The following KLF13 variants were observed in gnomAD, a reference collection of about 807,000 sequenced individuals.
The protein encoded by KLF13 is Krueppel-like factor 13.
Under a neutral mutation model 16.7 loss-of-function variants are expected in KLF13, and 8 were observed. That is an observed-to-expected ratio of 0.48 (90% CI 0.28 to 0.87). The LOEUF (loss-of-function observed/expected upper bound fraction) is 0.87, where lower values mean the gene tolerates loss of function less well. KLF13 is among the 40% of genes least tolerant of loss of function. KLF13 has a pLI of 0.10. For missense variants in KLF13, 447 were observed against 452.2 expected, an observed-to-expected ratio of 0.99 and a Z score of 0.10; for synonymous variants, 245 against 208.4, an observed-to-expected ratio of 1.18 and a Z score of -1.51.
At chr15:31,382,659 C>G (rs1032635401), downstream of KLF13, among the ~76,000 whole-genome samples, 1 of 152,200 alleles carries the variant, frequency 6.6e-6, no homozygotes, top group South Asian at 2.1e-4. Flanking sequence ...GCAATGTCCT[C>G]TAAAAAGATG....
chr15:31,338,149 C>T (rs4779861), intron 1 of KLF13, among the ~76,000 whole-genome samples: 45,275 of 152,100 alleles, frequency 0.3, 7,029 homozygotes, highest in East Asian at 0.38. Flanking sequence ...CAAATTGTAT[C>T]ATTCTTAAGT....
At chr15:31,333,678 C>T (rs1384985073) in intron 1 of KLF13, among the ~76,000 whole-genome samples, 6 of 152,098 alleles carry the variant, frequency 3.9e-5, no homozygotes. Flanking sequence ...TTCAGTTCCC[C>T]TAGTGATTCC....
intron 1 of KLF13, among the ~76,000 whole-genome samples, chr15:31,330,616 T>TC (rs2038811355): frequency 6.6e-6 from 1 of 152,236 alleles, no homozygotes; most frequent in Non-Finnish European, 1.5e-5. Flanking sequence ...GCTCTGATTT[T>TC]CCACCCCCAC....
At position 31,372,807 on chromosome 15, in the gene KLF13, A is replaced by T. The variant is rs977163163; in HGVS notation, c.*508A>T. The T allele has an allele frequency of 2.6e-5, 4 of 153,130 alleles. No homozygotes were observed. Among genetic ancestry groups the T allele is most frequent in the African/African-American group, 9.6e-5 (4 of 41,478 alleles). 9.5% of individuals were successfully genotyped at this position (153,130 alleles called of 1,614,324 possible). A position where few individuals can be genotyped will look rare whatever the true frequency, so the allele number is the denominator to read the frequency against. On this transcript the variant is annotated 3_prime_UTR_variant, in exon 2 of 2. Transcript: ENST00000307145. ...CCTGACCTCTTCCTGCCCAGCCCCC[A>T]ACCCAGTCTCTGGCCTCTGCCCAAC... is the stretch of plus-strand genomic sequence containing the variant.
downstream of KLF13, among the ~76,000 whole-genome samples, chr15:31,407,635 G>A (rs191314057): frequency 1.1e-3 from 171 of 152,222 alleles, no homozygotes; most frequent in African/African-American, 4.1e-3. Context: ...TCACGAGAAA[G>A]TAAAAATCAA....
At chr15:31,336,135 C>T (rs1479876908) in intron 1 of KLF13, among the ~76,000 whole-genome samples, 1 of 152,272 alleles carries the variant, frequency 6.6e-6, no homozygotes, top group African/African-American at 2.4e-5. Flanking sequence ...GCCTGAGCAG[C>T]CTGGCGAGTG....
downstream of KLF13, among the ~76,000 whole-genome samples, chr15:31,381,349 T>G (rs1446113510): frequency 6.7e-6 from 1 of 149,440 alleles, no homozygotes; most frequent in Non-Finnish European, 1.5e-5. Context: ...TCTGGAGTCT[T>G]GTTTTCCTTC....
At chr15:31,381,196 C>T (rs527927813), downstream of KLF13, among the ~76,000 whole-genome samples, 306 of 136,394 alleles carry the variant, frequency 2.2e-3, 1 homozygote, top group Middle Eastern at 3.8e-3. Flanking sequence ...AATAGAATGC[C>T]TATTCCTGCT....
intron 1 of KLF13, among the ~76,000 whole-genome samples, chr15:31,386,843 A>G (rs964354383): frequency 3.9e-5 from 6 of 152,186 alleles, no homozygotes; most frequent in South Asian, 2.1e-4. Context: ...AATACACTAA[A>G]TCTACTCTGC....
rs2039617875 is a variant in KLF13 at position 31,374,840 on chromosome 15, GT to G, written c.*2545del. 8.3e-6 allele frequency: 1 copy of G among 120,312 alleles called. No individual in the cohort carries two copies. Among genetic ancestry groups the G allele is most frequent in the Non-Finnish European group, 1.6e-5 (1 of 60,950 alleles). 7.5% of individuals were successfully genotyped at this position (120,312 alleles called of 1,614,324 possible). On this transcript the variant is annotated 3_prime_UTR_variant, in exon 2 of 2. Transcript: ENST00000307145. ...TTGGAATAAAAAGAAGAGCTGGTTTGTTTTAGAGCAGGGCGGGGGGTGGGGG... is the reference window on the plus strand; with the variant it reads ...TTGGAATAAAAAGAAGAGCTGGTTTGTTTAGAGCAGGGCGGGGGGTGGGGG...
chr15:31,330,346 C>T (rs1324380511), intron 1 of KLF13, among the ~76,000 whole-genome samples: 2 of 152,182 alleles, frequency 1.3e-5, no homozygotes, highest in African/African-American at 4.8e-5. Context: ...TGCCCCCGCC[C>T]CACTTCCCGC....
intron 1 of KLF13, among the ~76,000 whole-genome samples, chr15:31,414,155 A>G (rs988875207): frequency 6.6e-6 from 1 of 152,162 alleles, no homozygotes; most frequent in Non-Finnish European, 1.5e-5. Flanking sequence ...TTTAAGTCTC[A>G]AGGTGATTAT....
chr15:31,396,298 C>G (rs758071951), intron 2 of KLF13, among the ~76,000 whole-genome samples: 1 of 152,188 alleles, frequency 6.6e-6, no homozygotes, highest in Non-Finnish European at 1.5e-5. Flanking sequence ...GCTGGGATTA[C>G]AGGCATGAGC....
chr15:31,411,607 G>A (rs1325993808), intron 1 of KLF13, among the ~76,000 whole-genome samples: 1 of 147,556 alleles, frequency 6.8e-6, no homozygotes, highest in Admixed American at 6.8e-5. Context: ...GGGTTTCACC[G>A]TGTTAGCCAG....
rs1176734816 is a variant in KLF13, at chr15:31,367,695, A to G, written c.578-4315A>G. Among the ~76,000 whole-genome samples, 6 of 152,226 alleles carry G rather than the reference A, an allele frequency of 3.9e-5. No individual in the cohort carries two copies. In the East Asian group the frequency reaches 1.2e-3, roughly 29 times the overall value. On this transcript the variant is annotated intron_variant, in intron 1 of 1. Transcript: ENST00000307145. ...AACAGGCCCAAATCAGAGGAGACCC[A>G]GTTGACAGGGCTAATGACTAAGAGC...
At chr15:31,396,353 T>G (rs1028129220) in intron 2 of KLF13, among the ~76,000 whole-genome samples, 121 of 149,680 alleles carry the variant, frequency 8.1e-4, no homozygotes, top group African/African-American at 2.9e-3. Flanking sequence ...GAGACAGGGT[T>G]TCACCATGTT....
At chr15:31,392,925 C>T (rs1264462467) in exon 1 of KLF13, 1 of 152,498 alleles carries the variant, frequency 6.6e-6, no homozygotes, top group Non-Finnish European at 1.5e-5. Context: ...GCCAGGTCCG[C>T]TACGCCTGGA....
rs552675584 is a variant in KLF13 at position 31,336,566 on chromosome 15, A to G, written c.577+8777A>G. ...TGTCTTTAACCCTTTTATTGTCTAA[A>G]TGCTCACTAAACAAGAAAAATAATA... On this transcript the variant is annotated intron_variant, in intron 1 of 1. Transcript: ENST00000307145. Among the ~76,000 whole-genome samples, 5 of 152,300 alleles carry G rather than the reference A, an allele frequency of 3.3e-5. No homozygotes were observed. In the South Asian group the frequency reaches 1.0e-3, roughly 32 times the overall value.
intron 1 of KLF13, among the ~76,000 whole-genome samples, chr15:31,433,774 A>G (rs1030777010): frequency 1.3e-5 from 2 of 152,202 alleles, no homozygotes; most frequent in African/African-American, 4.8e-5. Flanking sequence ...GTGTGGGCTG[A>G]CACTGACTGG....
Sources: allele counts gnomAD v4.1 joint callset (sites outside exome capture counted in the v4.1 genomes callset), GRCh38; gene constraint gnomAD v4.1.1; transcripts MANE v1.5; gene names NCBI Gene and HGNC (gene_info 2026-07-23, HGNC 2026-07-21).